SLC33A1: variants seen among roughly 807,000 people sequenced by gnomAD.
SLC33A1 encodes the protein solute carrier family 33 member 1, also known as acetyl-coenzyme A transporter 1.
In SLC33A1, 20 loss-of-function variants were observed where a neutral mutation model predicts 50.0. The ratio of observed to expected loss-of-function variants is 0.40; its 90% CI spans 0.28 to 0.58. SLC33A1 has a LOEUF of 0.58. Among genes scored for constraint, SLC33A1 ranks in the 20% least tolerant of loss-of-function variants. The pLI is 0.44. For missense variants in SLC33A1, 476 were observed against 657.0 expected, an observed-to-expected ratio of 0.72 and a Z score of 3.01; for synonymous variants, 265 against 251.8, an observed-to-expected ratio of 1.05 and a Z score of -0.50.
intron 4 of SLC33A1, among the ~76,000 whole-genome samples, chr3:155,830,199 TG>T (rs1347939526): frequency 5.7e-5 from 8 of 139,910 alleles, no homozygotes; most frequent in Admixed American, 2.2e-4. Flanking sequence ...CTGTCTCTAC[TG>T]AAAAATACAA....
intron 5 of SLC33A1, 148 bp from the exon 6 acceptor site, chr3:155,828,525 A>C: frequency 3.1e-6 from 2 of 641,924 alleles, no homozygotes; most frequent in Non-Finnish European, 5.6e-6. Context: ...AAATATGTTA[A>C]TGTATCTTAA....
Position 155,842,606 on chromosome 3 carries a change from GAAA to G in SLC33A1, c.786_788del (p.Phe263del). 4 of 1,533,596 alleles carry G rather than the reference GAAA, an allele frequency of 2.6e-6. No homozygotes were observed. The highest frequency in any genetic ancestry group is 3.5e-6 in the Non-Finnish European group (4 of 1,133,580). 95.0% of individuals were successfully genotyped at this position (1,533,596 alleles called of 1,614,324 possible). ...TTGTTATTAAAAATACAGTTCCCCA[GAAA>G]AAAAGGAAATCTGAAAATGTTTTAA... On this transcript the variant is annotated inframe_deletion, in exon 2 of 6. Coordinates refer to ENST00000643144, the MANE Select transcript of SLC33A1 (RefSeq NM_004733.4).
intron 1 of SLC33A1, among the ~76,000 whole-genome samples, chr3:155,850,981 C>G (rs951903559): frequency 6.6e-5 from 10 of 151,322 alleles, no homozygotes; most frequent in African/African-American, 2.2e-4. Context: ...CAGTGGCTTA[C>G]GCCTGTAATC....
chr3:155,844,447 ATATATATATATTTTTTTTTTTTTT>A (rs1297809743), intron 1 of SLC33A1, among the ~76,000 whole-genome samples: 85 of 29,162 alleles, frequency 2.9e-3, no homozygotes, highest in African/African-American at 0.013. Context: ...ATATATATAT[ATATATATATATTTTTTTTTTTTTT>A]TTTTTTTTTT....
At chr3:155,837,790 T>G (rs947872712) in intron 2 of SLC33A1, among the ~76,000 whole-genome samples, 2 of 152,188 alleles carry the variant, frequency 1.3e-5, no homozygotes, top group African/African-American at 4.8e-5. Context: ...TATAGTCCAT[T>G]AATATATAAT....
chr3:155,844,448 TATATATA>T (rs1414419020), intron 1 of SLC33A1, among the ~76,000 whole-genome samples: 38 of 17,990 alleles, frequency 2.1e-3, no homozygotes, highest in Admixed American at 3.4e-3. Flanking sequence ...TATATATATA[TATATATA>T]TATTTTTTTT....
chr3:155,846,454 C>CTTT (rs34163073), intron 1 of SLC33A1, among the ~76,000 whole-genome samples: 1 of 138,426 alleles, frequency 7.2e-6, no homozygotes, highest in African/African-American at 2.7e-5. Context: ...CCCACACTTC[C>CTTT]TTTTTTTTTT....
At chr3:155,846,149 T>A (rs1450632071) in intron 1 of SLC33A1, among the ~76,000 whole-genome samples, 2 of 152,228 alleles carry the variant, frequency 1.3e-5, no homozygotes, top group African/African-American at 4.8e-5. Context: ...GAGTGTCTAT[T>A]ATAAGATCTG....
At position 155,851,424 on chromosome 3, in the gene SLC33A1, T is replaced by A. The variant is rs950855784; in HGVS notation, c.775+1799A>T. 2.9e-3 allele frequency among the ~76,000 whole-genome samples: 358 copies of A among 125,388 alleles called. 2 individuals carry two copies. Among genetic ancestry groups the A allele is most frequent in the African/African-American group, 0.011 (333 of 30,914 alleles). 82.3% of individuals were successfully genotyped at this position (125,388 alleles called of 152,430 possible). On this transcript the variant is annotated intron_variant, in intron 1 of 5. Transcript: ENST00000643144. ...CACCCAGCTATTTTTTTTTTTTTTTTAATTTTTAGTAGAGATGAGGTCTTG... is the reference window on the plus strand; with the variant it reads ...CACCCAGCTATTTTTTTTTTTTTTTAAATTTTTAGTAGAGATGAGGTCTTG...
chr3:155,838,618 T>C (rs578219463), intron 2 of SLC33A1, among the ~76,000 whole-genome samples: 2 of 145,632 alleles, frequency 1.4e-5, no homozygotes, highest in Admixed American at 1.4e-4. Flanking sequence ...GAGGAGGAGG[T>C]TGCAGTGAGC....
chr3:155,827,968 A>G lies in SLC33A1; in HGVS notation c.*242T>C, dbSNP rs1021854317. Reference sequence around the variant, plus strand: ...TTTAAAAGATATACATCAAATAACAAGGCCAGAAAAGTTGTTTTAGAATTT... The same window carrying G: ...TTTAAAAGATATACATCAAATAACAGGGCCAGAAAAGTTGTTTTAGAATTT... On this transcript the variant is annotated 3_prime_UTR_variant, in exon 6 of 6. Coordinates refer to ENST00000643144, the MANE Select transcript of SLC33A1 (RefSeq NM_004733.4). 9.1e-6 allele frequency: 4 copies of G among 441,794 alleles called. No homozygotes were observed. The highest frequency in any genetic ancestry group is 1.6e-5 in the Non-Finnish European group (4 of 244,366). The allele number at this position is 441,794 out of a possible 1,614,324, so 27.4% of individuals were successfully genotyped here.
rs183173674 is a variant in SLC33A1, at chr3:155,823,329, G to A, written c.*4881C>T. 11 of 152,240 alleles carry A rather than the reference G, an allele frequency of 7.2e-5. No homozygotes were observed. The highest frequency in any genetic ancestry group is 3.3e-4 in the Admixed American group (5 of 15,276). 9.4% of individuals were successfully genotyped at this position (152,240 alleles called of 1,614,324 possible). A position where few individuals can be genotyped will look rare whatever the true frequency, so the allele number is the denominator to read the frequency against. ...AGAGCTCTCAGTCCCAAACCAAATG[G>A]TGATTACATAAAAAATTTGGCATTG... On this transcript the variant is annotated 3_prime_UTR_variant, in exon 6 of 6. Transcript: ENST00000643144.
chr3:155,833,608 T>G (rs778318925), intron 3 of SLC33A1, 23 bp from the exon 4 acceptor site: 1 of 1,336,362 alleles, frequency 7.5e-7, no homozygotes, highest in Non-Finnish European at 1.1e-6. Flanking sequence ...AAACATTGAG[T>G]TGACTTCCAT....
chr3:155,848,447 C>T (rs1223826173), intron 1 of SLC33A1, among the ~76,000 whole-genome samples: 1 of 152,186 alleles, frequency 6.6e-6, no homozygotes, highest in Non-Finnish European at 1.5e-5. Flanking sequence ...CTTTGGGAGG[C>T]CGAGGCAGGC....
intron 2 of SLC33A1, 37 bp from the exon 3 acceptor site, chr3:155,834,078 A>G (rs1752561125): frequency 6.4e-7 from 1 of 1,566,616 alleles, no homozygotes; most frequent in Non-Finnish European, 8.8e-7. Flanking sequence ...TTAATTCGTG[A>G]CTTATGAAAT....
At chr3:155,842,402 A>G in intron 2 of SLC33A1, 30 bp downstream of exon 2, 1 of 1,452,534 alleles carries the variant, frequency 6.9e-7, no homozygotes, top group African/African-American at 1.4e-5. Flanking sequence ...CTTATAAGAA[A>G]ATGATAAATT....
intron 1 of SLC33A1, among the ~76,000 whole-genome samples, chr3:155,848,167 C>G (rs1448458321): frequency 6.6e-6 from 1 of 152,064 alleles, no homozygotes; most frequent in African/African-American, 2.4e-5. Flanking sequence ...CTATGTTGCC[C>G]AGGCTGCAGT....
At chr3:155,839,368 T>C in intron 2 of SLC33A1, among the ~76,000 whole-genome samples, 1 of 70,488 alleles carries the variant, frequency 1.4e-5, no homozygotes, top group Non-Finnish European at 2.3e-5. Context: ...AGCGAGACTC[T>C]GTCTCAAAAA....
At chr3:155,836,848 T>A (rs1418312944) in intron 2 of SLC33A1, among the ~76,000 whole-genome samples, 1 of 151,944 alleles carries the variant, frequency 6.6e-6, no homozygotes, top group Non-Finnish European at 1.5e-5. Context: ...GCTGTGATGG[T>A]GCCACTGCAC....
Sources: gnomAD v4.1 joint callset for allele counts (sites outside exome capture counted in the v4.1 genomes callset) on GRCh38, gnomAD v4.1.1 for gene constraint, MANE v1.5 for transcripts, NCBI Gene and HGNC (gene_info 2026-07-23, HGNC 2026-07-21) for gene names.